The following PEX14 variants were observed in gnomAD, a reference collection of about 807,000 sequenced individuals.
The protein encoded by PEX14 is peroxisomal biogenesis factor 14.
Under a neutral mutation model 49.5 loss-of-function variants are expected in PEX14, and 15 were observed. The ratio of observed to expected loss-of-function variants is 0.30; its 90% CI spans 0.20 to 0.47. The LOEUF (loss-of-function observed/expected upper bound fraction) is 0.47, where lower values mean the gene tolerates loss of function less well. PEX14 is among the 20% of genes least tolerant of loss of function. The pLI, the probability that PEX14 is intolerant of heterozygous loss-of-function variation, is 1.00. For missense variants in PEX14, 398 were observed against 494.8 expected (o/e 0.80, Z 1.86); for synonymous variants, 210 against 212.7 (o/e 0.99, Z 0.11).
At chr1:10,528,324 A>G in intron 2 of PEX14, 1 of 981,952 alleles carries the variant, frequency 1.0e-6, no homozygotes, top group Non-Finnish European at 1.2e-6. Context: ...AAGCTGAAGC[A>G]GGGTTTCATC....
chr1:10,605,063 T>G (rs1641089670), intron 4 of PEX14, among the ~76,000 whole-genome samples: 1 of 152,112 alleles, frequency 6.6e-6, no homozygotes, highest in Admixed American at 6.5e-5. Context: ...CCACTGCACT[T>G]AAACATTTAT....
At position 10,597,924 on chromosome 1, in the gene PEX14, A is replaced by G. The variant is rs983212700; in HGVS notation, c.170-1314A>G. Among the ~76,000 whole-genome samples, 3 of 152,258 alleles carry G rather than the reference A, an allele frequency of 2.0e-5. No homozygotes were observed. The highest frequency in any genetic ancestry group is 2.9e-5 in the Non-Finnish European group (2 of 68,044). ...GTCAACTCATATGCCAGTATGGTGC[A>G]GGGCGGAGCTGTGCTTTAAAGCATT... On this transcript the variant is annotated intron_variant, in intron 3 of 8. Coordinates refer to ENST00000356607, the MANE Select transcript of PEX14 (RefSeq NM_004565.3). This position sits in a 1 kb window ranked among gnomAD's most constrained non-coding sequence, Gnocchi z 5.7.
intron 3 of PEX14, among the ~76,000 whole-genome samples, chr1:10,579,690 T>G (rs1167970809): frequency 2.6e-5 from 4 of 152,068 alleles, no homozygotes; most frequent in Non-Finnish European, 5.9e-5. Context: ...ACTATAGAGG[T>G]TAACTTCCCG....
At chr1:10,592,048 G>A (rs984626320) in intron 3 of PEX14, among the ~76,000 whole-genome samples, 2 of 152,158 alleles carry the variant, frequency 1.3e-5, no homozygotes, top group Non-Finnish European at 2.9e-5. Flanking sequence ...TCAAAGGCAA[G>A]TTGATTCCTT....
chr1:10,580,328 G>A (rs889215170), intron 3 of PEX14, among the ~76,000 whole-genome samples: 11 of 152,192 alleles, frequency 7.2e-5, no homozygotes, highest in Admixed American at 6.5e-4. Context: ...AGGTTCAAGC[G>A]ATTCTCCTGC....
chr1:10,586,628 CTTTTTTTTTTTTTTTTT>C (rs35743829), intron 3 of PEX14, among the ~76,000 whole-genome samples: 1 of 93,012 alleles, frequency 1.1e-5, no homozygotes, highest in Non-Finnish European at 2.2e-5. Flanking sequence ...AGCCGTTTAC[CTTTTTTTTTTTTTTTTT>C]TTTTTTTTTT....
rs188522336 is a variant in PEX14 at position 10,585,408 on chromosome 1, C to G, written c.170-13830C>G. ...ATTGTAATATGAAAGATATAAACCCCCAAAGTTCAGCATTTACATTAAATA... is the reference window on the plus strand; with the variant it reads ...ATTGTAATATGAAAGATATAAACCCGCAAAGTTCAGCATTTACATTAAATA... On this transcript the variant is annotated intron_variant, in intron 3 of 8. Transcript: ENST00000356607. 6.8e-3 allele frequency among the ~76,000 whole-genome samples: 1,036 copies of G among 152,122 alleles called. 6 individuals carry two copies. The highest frequency in any genetic ancestry group is 9.4e-3 in the Non-Finnish European group (640 of 67,996).
chr1:10,630,558 C>T lies in PEX14; in HGVS notation c.*571C>T, dbSNP rs185563083. ...CTGCGCTTCCGATGCCCCCGCTTGC[C>T]GTGTAATGGTTCAGCTAATCCCATG... On this transcript the variant is annotated 3_prime_UTR_variant, in exon 9 of 9. Coordinates refer to ENST00000356607, the MANE Select transcript of PEX14 (RefSeq NM_004565.3). This position sits in a 1 kb window ranked among gnomAD's most constrained non-coding sequence, Gnocchi z 4.1. 1.3e-5 allele frequency: 2 copies of T among 156,034 alleles called. No homozygotes were observed. The highest frequency in any genetic ancestry group is 1.9e-4 in the South Asian group (1 of 5,168). 9.7% of individuals were successfully genotyped at this position (156,034 alleles called of 1,614,324 possible).
intron 2 of PEX14, among the ~76,000 whole-genome samples, chr1:10,517,293 G>A (rs1641987205): frequency 6.6e-6 from 1 of 152,216 alleles, no homozygotes; most frequent in South Asian, 2.1e-4. Flanking sequence ...ACTGGGCAGT[G>A]GAGGTGGGGG....
rs559467833 is a variant in PEX14, at chr1:10,535,119, C to A, written c.85-1094C>A. Among the ~76,000 whole-genome samples the A allele has an allele frequency of 2.6e-5, 4 of 152,330 alleles. No homozygotes were observed. The South Asian group carries it at 8.3e-4, about 32-fold the overall frequency. On this transcript the variant is annotated intron_variant, in intron 2 of 8. Transcript: ENST00000356607. ...CAGGGCCTGTTGACTTTATCTGTAA[C>A]ATGAGACCATATTATTCCTTTGATT...
intron 2 of PEX14, chr1:10,516,981 A>C (rs1349602255): frequency 6.6e-6 from 1 of 152,146 alleles, no homozygotes; most frequent in African/African-American, 2.4e-5. Flanking sequence ...GTTTTAGTTC[A>C]GCCTTGGGAT....
chr1:10,560,963 GC>G (rs1399607629), intron 3 of PEX14, among the ~76,000 whole-genome samples: 1 of 151,888 alleles, frequency 6.6e-6, no homozygotes, highest in Non-Finnish European at 1.5e-5. Context: ...TGATTCGCCT[GC>G]CCTCGGCCTC....
In PEX14 at chr1:10,539,937, A is replaced by G. The variant is rs538409050; in HGVS notation, c.169+3640A>G. On this transcript the variant is annotated intron_variant, in intron 3 of 8. Transcript: ENST00000356607. The surrounding 1 kb of genome is among the most constrained non-coding windows in gnomAD (Gnocchi z 4.6). Reference sequence around the variant, plus strand: ...AAGCAAGCTTCTAGGAAAGACAAACATCATCTATTTTTCTGTATAACCCTG... The same window carrying G: ...AAGCAAGCTTCTAGGAAAGACAAACGTCATCTATTTTTCTGTATAACCCTG... 6.6e-6 allele frequency among the ~76,000 whole-genome samples: 1 copy of G among 152,242 alleles called. No homozygotes were observed. Among genetic ancestry groups the G allele is most frequent in the African/African-American group, 2.4e-5 (1 of 41,532 alleles).
chr1:10,511,197 C>A (rs1641876726), intron 2 of PEX14, among the ~76,000 whole-genome samples: 1 of 152,254 alleles, frequency 6.6e-6, no homozygotes, highest in South Asian at 2.1e-4. Flanking sequence ...AATGCCCTGA[C>A]AGCTTTAAAC....
intron 4 of PEX14, among the ~76,000 whole-genome samples, chr1:10,607,359 C>T (rs569815262): frequency 6.6e-6 from 1 of 152,176 alleles, no homozygotes; most frequent in Non-Finnish European, 1.5e-5. Flanking sequence ...TGTGAACATT[C>T]GTATACAAGT....
rs56306413 is a variant in PEX14 at position 10,514,156 on chromosome 1, CTGTGTGTGTGTGTG to C, written c.84+18865_84+18878del. Among the ~76,000 whole-genome samples the C allele has an allele frequency of 1.3e-4, 18 of 143,264 alleles. No homozygotes were observed. Among genetic ancestry groups the C allele is most frequent in the South Asian group, 2.3e-4 (1 of 4,286 alleles). The allele number at this position is 143,264 out of a possible 152,430, so 94.0% of individuals were successfully genotyped here. A position where few individuals can be genotyped will look rare whatever the true frequency, so the allele number is the denominator to read the frequency against. ...AAAATGTATAAAATAATCTATGCCT[CTGTGTGTGTGTGTG>C]TGTGTGTGTGTGTGTGTGTGTGTGT... is the stretch of plus-strand genomic sequence containing the variant. On this transcript the variant is annotated intron_variant, in intron 2 of 8. Transcript: ENST00000356607. The surrounding 1 kb of genome is among the most constrained non-coding windows in gnomAD (Gnocchi z 4.4).
intron 1 of PEX14, among the ~76,000 whole-genome samples, chr1:10,482,952 T>C (rs1003814651): frequency 6.6e-6 from 1 of 152,234 alleles, no homozygotes; most frequent in African/African-American, 2.4e-5. Context: ...GTCTGATTTG[T>C]TCCCTTACAT....
rs557569379 is a variant in PEX14, at chr1:10,494,872, C to G, written c.37-402C>G. The stretch of plus-strand genomic sequence containing the variant: ...CTCCACTGCTGCGCGACTTTTCTTC[C>G]CAGTCCCCTGACGTTGGGGAGGTGG... On this transcript the variant is annotated intron_variant, in intron 1 of 8. Coordinates refer to ENST00000356607, the MANE Select transcript of PEX14 (RefSeq NM_004565.3). This position sits in a 1 kb window ranked among gnomAD's most constrained non-coding sequence, Gnocchi z 4.3. Among the ~76,000 whole-genome samples, 1 of 152,280 alleles carries G rather than the reference C, an allele frequency of 6.6e-6. No homozygotes were observed. Among genetic ancestry groups the G allele is most frequent in the African/African-American group, 2.4e-5 (1 of 41,556 alleles).
At chr1:10,480,334 C>T (rs1321747536) in intron 1 of PEX14, among the ~76,000 whole-genome samples, 6 of 151,514 alleles carry the variant, frequency 4.0e-5, no homozygotes, top group Non-Finnish European at 7.4e-5. Flanking sequence ...CTTCACCTGC[C>T]TCAGCCTCCT....
Sources: allele counts gnomAD v4.1 joint callset (sites outside exome capture counted in the v4.1 genomes callset), GRCh38; gene constraint gnomAD v4.1.1; non-coding constraint Gnocchi (gnomAD v3.1); transcripts MANE v1.5; gene names NCBI Gene and HGNC (gene_info 2026-07-23, HGNC 2026-07-21).